SPOCK3: variants seen among roughly 807,000 people sequenced by gnomAD.
SPOCK3 encodes the protein testican-3.
In SPOCK3, 30 loss-of-function variants were observed where a neutral mutation model predicts 56.6. The ratio of observed to expected loss-of-function variants is 0.53; its 90% CI spans 0.40 to 0.72. The LOEUF (loss-of-function observed/expected upper bound fraction) is 0.72. SPOCK3 is among the 30% of genes least tolerant of loss of function. The pLI is 0.00. For missense variants in SPOCK3, 527 were observed against 530.0 expected, an observed-to-expected ratio of 0.99 and a Z score of 0.06; for synonymous variants, 196 against 183.3, an observed-to-expected ratio of 1.07 and a Z score of -0.56.
chr4:167,126,026 T>A (rs1295689488), intron 2 of SPOCK3, among the ~76,000 whole-genome samples: 1 of 152,154 alleles, frequency 6.6e-6, no homozygotes, highest in African/African-American at 2.4e-5. Context: ...CAATAACAGG[T>A]ACAAAATACA....
chr4:167,068,228 A>T lies in SPOCK3; in HGVS notation c.190-5691T>A, dbSNP rs1324283470. On this transcript the variant is annotated intron_variant, in intron 2 of 10. Transcript: ENST00000357545. ...AGCAAACAGTAAGGAATAATAGAAC[A>T]TCAGGGAAAAGACCAAGCTTTTAGA... Among the ~76,000 whole-genome samples the T allele has an allele frequency of 1.3e-5, 2 of 151,752 alleles. 1 individual carries two copies. The highest frequency in any genetic ancestry group is 2.9e-5 in the Non-Finnish European group (2 of 67,828).
chr4:166,816,502 G>A (rs1462767362), intron 6 of SPOCK3, among the ~76,000 whole-genome samples: 5 of 151,976 alleles, frequency 3.3e-5, no homozygotes, highest in African/African-American at 1.2e-4. Flanking sequence ...CATTTTGTGT[G>A]TTTTGTAAGG....
chr4:167,210,335 T>A (rs1240713668), intron 2 of SPOCK3, among the ~76,000 whole-genome samples: 1 of 152,104 alleles, frequency 6.6e-6, no homozygotes, highest in African/African-American at 2.4e-5. Flanking sequence ...TTGAATCACC[T>A]CCCACTACAG....
intron 2 of SPOCK3, among the ~76,000 whole-genome samples, chr4:167,124,369 A>G (rs1160898096): frequency 6.6e-6 from 1 of 152,164 alleles, no homozygotes; most frequent in African/African-American, 2.4e-5. Flanking sequence ...TCTAATAGGA[A>G]CCTCACATTC....
At chr4:166,841,975 G>A (rs767094877) in intron 6 of SPOCK3, among the ~76,000 whole-genome samples, 2 of 152,162 alleles carry the variant, frequency 1.3e-5, no homozygotes, top group Admixed American at 1.3e-4. Flanking sequence ...TCTTCCTTCT[G>A]GTGGGTCTGT....
intron 4 of SPOCK3, among the ~76,000 whole-genome samples, chr4:166,993,329 C>T (rs1464553742): frequency 1.3e-5 from 2 of 152,124 alleles, no homozygotes; most frequent in African/African-American, 4.8e-5. Flanking sequence ...GCCTATGAAT[C>T]CTTCTCGTGT....
chr4:167,037,140 G>C (rs938237854), intron 3 of SPOCK3, among the ~76,000 whole-genome samples: 5 of 152,130 alleles, frequency 3.3e-5, no homozygotes, highest in African/African-American at 1.2e-4. Flanking sequence ...CAAAAGTAGG[G>C]GAGAAATTGA....
chr4:166,851,109 A>C lies in SPOCK3; in HGVS notation c.589+38021T>G, dbSNP rs572949303. Among the ~76,000 whole-genome samples the C allele has an allele frequency of 3.9e-5, 6 of 152,170 alleles. No individual in the cohort carries two copies. The South Asian group carries it at 1.2e-3, about 31-fold the overall frequency. On this transcript the variant is annotated intron_variant, in intron 6 of 10. Coordinates refer to ENST00000357545, the MANE Select transcript of SPOCK3 (RefSeq NM_001040159.2). The stretch of plus-strand genomic sequence containing the variant: ...GAGAGCAGTGGTTCTCCCAGCACGC[A>C]GCTGGAGATCTGAGAACTGGCAGAC...
rs898454064 is a variant in SPOCK3, at chr4:167,174,877, C to CT, written c.189+59107dup. On this transcript the variant is annotated intron_variant, in intron 2 of 10. Transcript: ENST00000357545. ...CAAACTCTTCTCATGAGAAACTAAT[C>CT]TTTTTTTTTTCTTTTGTAATATACA... Among the ~76,000 whole-genome samples the CT allele has an allele frequency of 3.9e-4, 58 of 150,252 alleles. No homozygotes were observed. The East Asian group carries it at 5.7e-3, about 15-fold the overall frequency.
At chr4:167,046,692 T>C (rs2150211710) in intron 3 of SPOCK3, among the ~76,000 whole-genome samples, 1 of 151,938 alleles carries the variant, frequency 6.6e-6, no homozygotes, top group South Asian at 2.1e-4. Flanking sequence ...TCCTACCTCA[T>C]AACCCACCCA....
At chr4:166,769,088 C>G (rs942051353) in intron 7 of SPOCK3, among the ~76,000 whole-genome samples, 2 of 151,684 alleles carry the variant, frequency 1.3e-5, no homozygotes, top group Non-Finnish European at 2.9e-5. Flanking sequence ...AGCCATTTGT[C>G]TAATGTTTTT....
In SPOCK3 at chr4:166,860,802, C is replaced by CATATATATATATACATATATAT. The variant is rs1553989683; in HGVS notation, c.589+28327_589+28328insATATATATGTATATATATATAT. On this transcript the variant is annotated intron_variant, in intron 6 of 10. Transcript: ENST00000357545. ...ACACGTGTACATGCACACACAAATT[C>CATATATATATATACATATATAT]ATATATATATATATGTATATATATA... Among the ~76,000 whole-genome samples, 6 of 101,936 alleles carry CATATATATATATACATATATAT rather than the reference C, an allele frequency of 5.9e-5. No individual in the cohort carries two copies. The South Asian group carries it at 9.7e-4, about 17-fold the overall frequency. The allele number at this position is 101,936 out of a possible 152,430, so 66.9% of individuals were successfully genotyped here.
chr4:167,156,937 T>C (rs891993305), intron 2 of SPOCK3, among the ~76,000 whole-genome samples: 3 of 152,144 alleles, frequency 2.0e-5, no homozygotes, highest in Admixed American at 6.6e-5. Context: ...AAATATTCTG[T>C]AATTTTTATC....
intron 5 of SPOCK3, among the ~76,000 whole-genome samples, chr4:166,903,052 G>T (rs1736225435): frequency 1.4e-5 from 2 of 146,184 alleles, no homozygotes; most frequent in South Asian, 4.3e-4. Context: ...TTGTTTATTA[G>T]TTTATTTGTA....
chr4:166,747,631 C>T (rs13151473), intron 8 of SPOCK3, among the ~76,000 whole-genome samples: 120,111 of 151,990 alleles, frequency 0.79, 47,712 homozygotes, highest in South Asian at 0.82. Flanking sequence ...GAAGTGCTGG[C>T]CAGGGCAATC....
In SPOCK3 at chr4:166,890,043, T is replaced by C. The variant is rs1460040197; in HGVS notation, c.475-799A>G. 2.6e-5 allele frequency among the ~76,000 whole-genome samples: 4 copies of C among 151,956 alleles called. No homozygotes were observed. The South Asian group carries it at 6.2e-4, about 24-fold the overall frequency. On this transcript the variant is annotated intron_variant, in intron 5 of 10. Coordinates refer to ENST00000357545, the MANE Select transcript of SPOCK3 (RefSeq NM_001040159.2). ...GACTGAACTTCCCATAGGTCTTACA[T>C]TGGAATAAATGTGCATTTGTAATAA...
At chr4:167,226,118 A>T (rs551537112) in intron 2 of SPOCK3, among the ~76,000 whole-genome samples, 54 of 152,280 alleles carry the variant, frequency 3.5e-4, no homozygotes, top group African/African-American at 1.2e-3. Context: ...CCTATGACCA[A>T]AGCTCTACAG....
intron 5 of SPOCK3, among the ~76,000 whole-genome samples, chr4:166,895,250 G>C (rs2127030061): frequency 6.6e-6 from 1 of 151,740 alleles, no homozygotes; most frequent in East Asian, 1.9e-4. Context: ...ATTTACCTTA[G>C]TATATAATAC....
chr4:166,917,294 T>G (rs1263719252), intron 4 of SPOCK3, among the ~76,000 whole-genome samples: 3 of 152,072 alleles, frequency 2.0e-5, no homozygotes, highest in Non-Finnish European at 4.4e-5. Flanking sequence ...GTTCTTAAGG[T>G]CCTAAATATG....
Sources: allele counts gnomAD v4.1 joint callset (sites outside exome capture counted in the v4.1 genomes callset), GRCh38; gene constraint gnomAD v4.1.1; transcripts MANE v1.5; gene names NCBI Gene and HGNC (gene_info 2026-07-23, HGNC 2026-07-21).